Variants in EGF observed in about 807,000 individuals in gnomAD.
EGF encodes epidermal growth factor.
A neutral mutation model predicts 143.8 loss-of-function variants in EGF; 95 were observed. The ratio of observed to expected loss-of-function variants is 0.66; its 90% CI spans 0.56 to 0.78. The LOEUF is 0.78. Among genes scored for constraint, EGF ranks in the 30% least tolerant of loss-of-function variants. The pLI, the probability that EGF is intolerant of heterozygous loss-of-function variation, is 0.00. For missense variants in EGF, 1,320 were observed against 1,470.9 expected (o/e 0.90, Z 1.68); for synonymous variants, 510 against 510.5 (o/e 1.00, Z 0.01).
intron 13 of EGF, among the ~76,000 whole-genome samples, chr4:109,979,349 G>C (rs370365621): frequency 6.6e-6 from 1 of 152,048 alleles, no homozygotes; most frequent in Non-Finnish European, 1.5e-5. Flanking sequence ...TAAGAGAAAG[G>C]GGGTGGTCGT....
intron 11 of EGF, among the ~76,000 whole-genome samples, chr4:109,969,945 G>A (rs368925224): frequency 2.0e-5 from 3 of 152,132 alleles, no homozygotes; most frequent in East Asian, 3.9e-4. Context: ...AATGAGCTTC[G>A]GCATGCAAGT....
chr4:109,914,939 G>C (rs913957830), intron 1 of EGF, among the ~76,000 whole-genome samples: 1 of 152,164 alleles, frequency 6.6e-6, no homozygotes. Context: ...TGGTTGGGCC[G>C]ATCTATCAGG....
intron 1 of EGF, among the ~76,000 whole-genome samples, chr4:109,939,390 TG>T (rs1351143622): frequency 6.6e-6 from 1 of 152,166 alleles, no homozygotes; most frequent in Non-Finnish European, 1.5e-5. Flanking sequence ...GCAAAGACCG[TG>T]GGAAAAGCGC....
chr4:110,003,409 A>G (rs1276828472), intron 21 of EGF, among the ~76,000 whole-genome samples: 4 of 152,142 alleles, frequency 2.6e-5, no homozygotes, highest in Non-Finnish European at 4.4e-5. Context: ...AATTGTTTAT[A>G]TTAGCCACTT....
At chr4:109,921,983 CTGAAGGGT>C (rs1206959727) in intron 1 of EGF, among the ~76,000 whole-genome samples, 2 of 151,446 alleles carry the variant, frequency 1.3e-5, no homozygotes, top group Non-Finnish European at 2.9e-5. Flanking sequence ...TAAAAACATG[CTGAAGGGT>C]TGAAGCTACC....
chr4:110,010,370 T>C (rs920708575), intron 23 of EGF, among the ~76,000 whole-genome samples: 1 of 152,216 alleles, frequency 6.6e-6, no homozygotes, highest in Non-Finnish European at 1.5e-5. Flanking sequence ...GAGCAATGTG[T>C]CAGGTTCTTT....
At position 109,964,391 on chromosome 4, in the gene EGF, T is replaced by C; in HGVS notation, c.1439-10T>C. Reference sequence around the variant, plus strand: ...TTTAAATTCAGCCATATTTGAAATTTGGTTAACAGGACCACAACCATTTTT... The same window carrying C: ...TTTAAATTCAGCCATATTTGAAATTCGGTTAACAGGACCACAACCATTTTT... On this transcript the variant is annotated splice_polypyrimidine_tract_variant and intron_variant, in intron 9 of 23. Transcript: ENST00000265171. The C allele has an allele frequency of 2.5e-6, 4 of 1,613,836 alleles. No individual in the cohort carries two copies. The highest frequency in any genetic ancestry group is 3.4e-6 in the Non-Finnish European group (4 of 1,179,764).
chr4:109,994,031 G>GT (rs369137893), intron 19 of EGF, among the ~76,000 whole-genome samples: 16,706 of 140,582 alleles, frequency 0.12, 1,199 homozygotes, highest in African/African-American at 0.2. Context: ...CTTGGTCTCT[G>GT]TTTTTTTTTT....
chr4:109,970,824 C>CAA lies in EGF; in HGVS notation c.1724+1726_1724+1727dup, dbSNP rs371512157. 3.6e-3 allele frequency among the ~76,000 whole-genome samples: 263 copies of CAA among 72,502 alleles called. 5 individuals are homozygous for CAA. The highest frequency in any genetic ancestry group is 9.3e-3 in the Middle Eastern group (1 of 108). The allele number at this position is 72,502 out of a possible 152,430, so 47.6% of individuals were successfully genotyped here. A position where few individuals can be genotyped will look rare whatever the true frequency, so the allele number is the denominator to read the frequency against. On this transcript the variant is annotated intron_variant, in intron 11 of 23. Coordinates refer to ENST00000265171, the MANE Select transcript of EGF (RefSeq NM_001963.6). ...TGGGTGGCAGAGCGAGACTCCGTCT[C>CAA]AAAAAAAAAAAAAAAAAAAAAATCT...
At chr4:109,936,287 G>A (rs938614327) in intron 1 of EGF, among the ~76,000 whole-genome samples, 1 of 152,142 alleles carries the variant, frequency 6.6e-6, no homozygotes, top group African/African-American at 2.4e-5. Flanking sequence ...GGGGGTATGT[G>A]TCCAGGAATT....
intron 15 of EGF, among the ~76,000 whole-genome samples, chr4:109,982,994 G>A (rs1328647995): frequency 6.6e-6 from 1 of 152,114 alleles, no homozygotes; most frequent in Non-Finnish European, 1.5e-5. Context: ...ATTATAAGAT[G>A]TAGGTAAAAT....
chr4:110,004,532 A>G lies in EGF; in HGVS notation c.3201A>G (p.Pro1067=), dbSNP rs747090153. ...YRTQKLLSKN[P]KNPYEESSRD... ...CTCAGAAGCTGCTATCGAAAAACCC[A>G]AAGAATCCTTATGAGGAGTCGAGCA... is the stretch of plus-strand genomic sequence containing the variant. Residue 1067 remains proline (P), a synonymous_variant, in exon 22 of 24, where the codon CCA becomes CCG. Transcript: ENST00000265171. The G allele has an allele frequency of 1.7e-5, 27 of 1,614,090 alleles. No homozygotes were observed. Among genetic ancestry groups the G allele is most frequent in the Non-Finnish European group, 2.2e-5 (26 of 1,179,960 alleles).
At chr4:109,929,894 C>T (rs1739379039) in intron 1 of EGF, among the ~76,000 whole-genome samples, 1 of 152,200 alleles carries the variant, frequency 6.6e-6, no homozygotes, top group Non-Finnish European at 1.5e-5. Context: ...TGTGTCCCCA[C>T]TCAAATTCCA....
intron 1 of EGF, among the ~76,000 whole-genome samples, chr4:109,937,468 C>G (rs1475414855): frequency 6.6e-6 from 1 of 151,854 alleles, no homozygotes; most frequent in East Asian, 1.9e-4. Context: ...AACCAGCACA[C>G]TGATGGTCTT....
chr4:109,995,354 T>C (rs1428843983), intron 20 of EGF, among the ~76,000 whole-genome samples: 1 of 152,244 alleles, frequency 6.6e-6, no homozygotes, highest in Non-Finnish European at 1.5e-5. Flanking sequence ...ACTAATCATA[T>C]GTATATTTTT....
At chr4:109,974,050 A>T (rs1368325730) in intron 11 of EGF, among the ~76,000 whole-genome samples, 3 of 152,210 alleles carry the variant, frequency 2.0e-5, no homozygotes, top group African/African-American at 7.2e-5. Context: ...CCAATAACTT[A>T]TAACTGTATT....
In EGF at chr4:109,992,721, G is replaced by A. The variant is rs575427182; in HGVS notation, c.2735-526G>A. 6.6e-5 allele frequency among the ~76,000 whole-genome samples: 10 copies of A among 152,056 alleles called. No individual in the cohort carries two copies. The East Asian group carries it at 1.4e-3, about 21-fold the overall frequency. On this transcript the variant is annotated intron_variant, in intron 18 of 23. Transcript: ENST00000265171. ...CCAAATGTCCAACAATGATAGACTGGATTAAGAAAATGTGGCACATATACA... is the reference window on the plus strand; with the variant it reads ...CCAAATGTCCAACAATGATAGACTGAATTAAGAAAATGTGGCACATATACA...
chr4:109,960,722 C>T, intron 6 of EGF, 145 bp from the exon 7 acceptor site: 1 of 849,678 alleles, frequency 1.2e-6, no homozygotes. Flanking sequence ...TTACCCTTTG[C>T]TAGAGTATGG....
intron 11 of EGF, 143 bp from the exon 12 acceptor site, chr4:109,974,560 G>A: frequency 1.5e-6 from 1 of 651,604 alleles, no homozygotes; most frequent in Non-Finnish European, 2.8e-6. Flanking sequence ...GAGAGAGAAA[G>A]AGTAAGAGAT....
Sources: gnomAD v4.1 joint callset for allele counts (sites outside exome capture counted in the v4.1 genomes callset) on GRCh38, gnomAD v4.1.1 for gene constraint, MANE v1.5 for transcripts, NCBI Gene and HGNC (gene_info 2026-07-23, HGNC 2026-07-21) for gene names.